Variants in SLC43A2 observed in about 807,000 individuals in gnomAD.
SLC43A2 encodes solute carrier family 43 member 2, also known as large neutral amino acids transporter small subunit 4.
Under a neutral mutation model 63.2 loss-of-function variants are expected in SLC43A2, and 38 were observed. The observed-to-expected ratio is 0.60, with a 90% CI of 0.46 to 0.79. The LOEUF (loss-of-function observed/expected upper bound fraction) is 0.79. Among genes scored for constraint, SLC43A2 ranks in the 30% least tolerant of loss-of-function variants. SLC43A2 has a pLI of 0.00. For missense variants in SLC43A2, 644 were observed against 756.2 expected (o/e 0.85, Z 1.74); for synonymous variants, 322 against 331.0 (o/e 0.97, Z 0.30).
At chr17:1,619,027 C>T (rs118097220) in intron 2 of SLC43A2, among the ~76,000 whole-genome samples, 1,881 of 150,628 alleles carry the variant, frequency 0.012, 25 homozygotes, top group Middle Eastern at 0.028. Context: ...AGAATCAGGC[C>T]GGGTACAGTG....
Position 1,575,706 on chromosome 17 carries a change from G to T in SLC43A2, c.1608C>A (p.Ile536=). ...LLGFCLPLYL[I]CYRRQLERQL... ...GCCGCTCCAGCTGGCGCCGGTAGCA[G>T]ATCAGGTAGAGCGGGAGGCAGAAGC... The change falls in exon 14 of 14, where the codon ATC becomes ATA. Residue 536 remains isoleucine (I), a synonymous_variant. Coordinates refer to ENST00000301335, the MANE Select transcript of SLC43A2 (RefSeq NM_152346.3). 1 of 1,614,018 alleles carries T rather than the reference G, an allele frequency of 6.2e-7. No homozygotes were observed. The highest frequency in any genetic ancestry group is 8.5e-7 in the Non-Finnish European group (1 of 1,179,998).
intron 5 of SLC43A2, chr17:1,604,989 G>T (rs1906462933): frequency 6.9e-7 from 1 of 1,443,830 alleles, no homozygotes; most frequent in Non-Finnish European, 9.1e-7. Flanking sequence ...GGCCTCGAGG[G>T]CTGGCGGAGG....
At chr17:1,621,783 G>C in intron 2 of SLC43A2, among the ~76,000 whole-genome samples, 1 of 152,234 alleles carries the variant, frequency 6.6e-6, no homozygotes, top group South Asian at 2.1e-4. Flanking sequence ...AGCTGGGCTT[G>C]ACTCCAGGCT....
At chr17:1,585,677 C>G in intron 10 of SLC43A2, 1 of 1,447,944 alleles carries the variant, frequency 6.9e-7, no homozygotes, top group Non-Finnish European at 9.2e-7. Context: ...CATGAGTCAC[C>G]GCACCTGGCC....
chr17:1,571,413 G>A lies in SLC43A2; in HGVS notation c.*4191C>T, dbSNP rs2075845114. 6.6e-6 allele frequency: 1 copy of A among 152,250 alleles called. No individual in the cohort carries two copies. Among genetic ancestry groups the A allele is most frequent in the Non-Finnish European group, 1.5e-5 (1 of 68,084 alleles). The allele number at this position is 152,250 out of a possible 1,614,324, so 9.4% of individuals were successfully genotyped here. A position where few individuals can be genotyped will look rare whatever the true frequency, so the allele number is the denominator to read the frequency against. On this transcript the variant is annotated 3_prime_UTR_variant, in exon 14 of 14. Coordinates refer to ENST00000301335, the MANE Select transcript of SLC43A2 (RefSeq NM_152346.3). The surrounding 1 kb of genome is among the most constrained non-coding windows in gnomAD (Gnocchi z 5.2). ...CGGCTGATTCTGTGGAGGCTTCTCA[G>A]AGCTCCTGGCAGGAGCCCCTCACCG...
In SLC43A2 at chr17:1,575,182, G is replaced by A. The variant is rs930775832; in HGVS notation, c.*422C>T. ...GCCAGGCGCGGGCGAGACAGTGCAA[G>A]CCTTTGTCCTCAGGCAGGTACGGCT... is the stretch of plus-strand genomic sequence containing the variant. On this transcript the variant is annotated 3_prime_UTR_variant, in exon 14 of 14. Transcript: ENST00000301335. 7.4e-6 allele frequency: 2 copies of A among 269,504 alleles called. No individual in the cohort carries two copies. The highest frequency in any genetic ancestry group is 2.3e-5 in the African/African-American group (1 of 43,418). 16.7% of individuals were successfully genotyped at this position (269,504 alleles called of 1,614,324 possible). A position where few individuals can be genotyped will look rare whatever the true frequency, so the allele number is the denominator to read the frequency against.
At chr17:1,612,534 C>A (rs181837684) in intron 5 of SLC43A2, among the ~76,000 whole-genome samples, 120 of 152,336 alleles carry the variant, frequency 7.9e-4, no homozygotes, top group African/African-American at 2.7e-3. Context: ...GCTCCATGAG[C>A]CGAAGCTCCC....
rs369396977 is a variant in SLC43A2, at chr17:1,605,529, C to T, written c.501+7666G>A. Among the ~76,000 whole-genome samples the T allele has an allele frequency of 5.3e-4, 80 of 150,806 alleles. No individual in the cohort carries two copies. Among genetic ancestry groups the T allele is most frequent in the African/African-American group, 1.8e-3 (75 of 41,106 alleles). On this transcript the variant is annotated intron_variant, in intron 5 of 13. Coordinates refer to ENST00000301335, the MANE Select transcript of SLC43A2 (RefSeq NM_152346.3). The surrounding 1 kb of genome is among the most constrained non-coding windows in gnomAD (Gnocchi z 4.9). Reference sequence around the variant, plus strand: ...CTGACTTTCCACATCCACGGACTCCCGAGTCCTCCCTGGCCTGCAGGAGGC... The same window carrying T: ...CTGACTTTCCACATCCACGGACTCCTGAGTCCTCCCTGGCCTGCAGGAGGC...
rs141480315 is a variant in SLC43A2, at chr17:1,583,788, G to A, written c.1218-452C>T. On this transcript the variant is annotated intron_variant, in intron 10 of 13. Transcript: ENST00000301335. The surrounding 1 kb of genome is among the most constrained non-coding windows in gnomAD (Gnocchi z 5.5). ...GGACAGGAGAGGGTAAAGGGGAAAT[G>A]AGCAGGCAGCAGATGGAACTGGAGT... is the stretch of plus-strand genomic sequence containing the variant. 2.8e-3 allele frequency: 473 copies of A among 169,046 alleles called. 4 individuals carry two copies. The highest frequency in any genetic ancestry group is 0.01 in the African/African-American group (438 of 42,232). 10.5% of individuals were successfully genotyped at this position (169,046 alleles called of 1,614,324 possible).
In SLC43A2 at chr17:1,612,546, G is replaced by T. The variant is rs1025317273; in HGVS notation, c.501+649C>A. The stretch of plus-strand genomic sequence containing the variant: ...GCTGCTCCATGAGCCGAAGCTCCCG[G>T]AGACCCTGATGACAGCTGCCGAGGA... On this transcript the variant is annotated intron_variant, in intron 5 of 13. Coordinates refer to ENST00000301335, the MANE Select transcript of SLC43A2 (RefSeq NM_152346.3). Among the ~76,000 whole-genome samples, 15 of 152,366 alleles carry T rather than the reference G, an allele frequency of 9.8e-5. No individual in the cohort carries two copies. The South Asian group carries it at 1.9e-3, about 19-fold the overall frequency.
At chr17:1,604,905 A>T in intron 5 of SLC43A2, 1 of 1,533,718 alleles carries the variant, frequency 6.5e-7, no homozygotes, top group Admixed American at 2.0e-5. Context: ...CACCGGTCTC[A>T]GCTGCGCATA....
intron 5 of SLC43A2, among the ~76,000 whole-genome samples, chr17:1,611,405 C>T (rs542297058): frequency 2.6e-4 from 40 of 152,092 alleles, no homozygotes; most frequent in Non-Finnish European, 1.0e-4. Context: ...GAGGCTGAGG[C>T]GGGCAGATTG....
At chr17:1,591,142 C>T in intron 8 of SLC43A2, 127 bp downstream of exon 8, 1 of 1,344,078 alleles carries the variant, frequency 7.4e-7, no homozygotes, top group Non-Finnish European at 1.0e-6. Flanking sequence ...CCCAGGCCTT[C>T]CTGAGCGCCT....
At chr17:1,617,132 C>G (rs73976242) in intron 2 of SLC43A2, among the ~76,000 whole-genome samples, 3,246 of 152,302 alleles carry the variant, frequency 0.021, 115 homozygotes, top group African/African-American at 0.069. Flanking sequence ...CACCCTAGAA[C>G]GGCAGACCTC....
At chr17:1,627,667 A>AAAACCCCCCCCCCCCC in intron 2 of SLC43A2, 48 bp downstream of exon 2, 1 of 393,400 alleles carries the variant, frequency 2.5e-6, no homozygotes, top group Admixed American at 1.2e-4. Flanking sequence ...GCCCCCTCCC[A>AAAACCCCCCCCCCCCC]AAGCCCCAGC....
chr17:1,585,999 C>T lies in SLC43A2; in HGVS notation c.1131G>A (p.Thr377=), dbSNP rs1374358973. 14 of 1,612,404 alleles carry T rather than the reference C, an allele frequency of 8.7e-6. No homozygotes were observed. Among genetic ancestry groups the T allele is most frequent in the African/African-American group, 4.0e-5 (3 of 74,924 alleles). The change falls in exon 10 of 14, where the codon ACG becomes ACA. Residue 377 remains threonine (T), a synonymous_variant. Transcript: ENST00000301335. ...CCATGATGTAGCCAATGACGGGGGC[C>T]GTCAGCAGGCACAGCAGCTGGAGCA... ...FGVLQLLCLL[T]APVIGYIMDW...
At chr17:1,615,738 G>A (rs1375063264) in intron 3 of SLC43A2, among the ~76,000 whole-genome samples, 4 of 149,200 alleles carry the variant, frequency 2.7e-5, no homozygotes, top group Non-Finnish European at 1.5e-5. Flanking sequence ...AGCTACTCGG[G>A]AGGCTGAGGC....
At chr17:1,615,358 A>T (rs1482199407) in intron 3 of SLC43A2, among the ~76,000 whole-genome samples, 2 of 151,562 alleles carry the variant, frequency 1.3e-5, no homozygotes, top group Non-Finnish European at 2.9e-5. Flanking sequence ...GACCCACCCA[A>T]CTCTGCCTCC....
intron 9 of SLC43A2, chr17:1,586,958 T>G (rs965227903): frequency 7.8e-6 from 7 of 891,966 alleles, no homozygotes; most frequent in South Asian, 7.8e-5. Context: ...CCCGTGGCCA[T>G]CACTGCATCA....
Sources: allele counts gnomAD v4.1 joint callset (sites outside exome capture counted in the v4.1 genomes callset), GRCh38; gene constraint gnomAD v4.1.1; non-coding constraint Gnocchi (gnomAD v3.1); transcripts MANE v1.5; gene names NCBI Gene and HGNC (gene_info 2026-07-23, HGNC 2026-07-21).